Variants in KIAA0825 observed in about 807,000 individuals in gnomAD.
KIAA0825 encodes uncharacterized protein KIAA0825.
In KIAA0825, 119 loss-of-function variants were observed where a neutral mutation model predicts 147.6. The observed-to-expected ratio is 0.81, with a 90% CI of 0.69 to 0.94. The LOEUF is 0.94. Ranked by LOEUF, KIAA0825 falls within the 40% of genes least tolerant of loss-of-function variation. The pLI, the probability that KIAA0825 is intolerant of heterozygous loss-of-function variation, is 0.00. For missense variants in KIAA0825, 1,381 were observed against 1,472.7 expected (o/e 0.94, Z 1.02); for synonymous variants, 470 against 518.1 (o/e 0.91, Z 1.26).
intron 1 of KIAA0825, among the ~76,000 whole-genome samples, chr5:94,582,929 T>A (rs1452899847): frequency 2.0e-5 from 3 of 152,160 alleles, no homozygotes; most frequent in Non-Finnish European, 4.4e-5. Flanking sequence ...AAACAAGCAA[T>A]GTTATTCAAT....
At chr5:94,578,795 A>T (rs891220715) in intron 2 of KIAA0825, among the ~76,000 whole-genome samples, 1 of 152,236 alleles carries the variant, frequency 6.6e-6, no homozygotes, top group Non-Finnish European at 1.5e-5. Flanking sequence ...TTAAAAATGC[A>T]GATTTTCAGC....
intron 20 of KIAA0825, among the ~76,000 whole-genome samples, chr5:94,329,596 T>C (rs895868418): frequency 2.6e-5 from 4 of 152,120 alleles, no homozygotes; most frequent in Non-Finnish European, 5.9e-5. Context: ...ATTTCTCACA[T>C]TGATAGAACT....
At chr5:94,490,488 A>C (rs1273555993) in intron 5 of KIAA0825, among the ~76,000 whole-genome samples, 6 of 152,164 alleles carry the variant, frequency 3.9e-5, no homozygotes, top group Non-Finnish European at 8.8e-5. Context: ...GCAAAAGGCT[A>C]TAAAAAGAAT....
intron 14 of KIAA0825, among the ~76,000 whole-genome samples, chr5:94,437,245 T>C (rs1172819262): frequency 6.6e-6 from 1 of 152,224 alleles, no homozygotes; most frequent in Non-Finnish European, 1.5e-5. Flanking sequence ...ATAATTTCTA[T>C]ATTAGTATAA....
intron 17 of KIAA0825, among the ~76,000 whole-genome samples, chr5:94,395,493 C>T (rs1196482097): frequency 1.3e-5 from 2 of 152,138 alleles, no homozygotes; most frequent in Non-Finnish European, 2.9e-5. Flanking sequence ...TTCAACTCAT[C>T]AGGGACCCTT....
At chr5:94,207,750 A>G (rs1182447794) in intron 20 of KIAA0825, among the ~76,000 whole-genome samples, 1 of 152,180 alleles carries the variant, frequency 6.6e-6, no homozygotes, top group Non-Finnish European at 1.5e-5. Flanking sequence ...TTTGCCCTGT[A>G]TCTTTCAAAT....
chr5:94,329,265 A>G (rs1379160759), intron 20 of KIAA0825, among the ~76,000 whole-genome samples: 23 of 152,154 alleles, frequency 1.5e-4, no homozygotes, highest in Non-Finnish European at 4.4e-5. Context: ...GCGATCCAAC[A>G]TAAGCATAAT....
intron 1 of KIAA0825, chr5:94,593,934 T>C: frequency 2.2e-6 from 1 of 446,340 alleles, no homozygotes; most frequent in South Asian, 1.8e-5. Context: ...GAAGCAGTTT[T>C]ACCACAGTGT....
intron 20 of KIAA0825, among the ~76,000 whole-genome samples, chr5:94,296,163 G>A (rs1453715809): frequency 1.3e-5 from 2 of 152,174 alleles, no homozygotes. Flanking sequence ...AGCTGCGGGG[G>A]TTCCACCCAG....
chr5:94,458,744 C>CT (rs143676278), intron 12 of KIAA0825, among the ~76,000 whole-genome samples: 26,473 of 148,724 alleles, frequency 0.18, 2,409 homozygotes, highest in East Asian at 0.21. Context: ...TGCCAGATAC[C>CT]TTTTTTTTAA....
intron 14 of KIAA0825, among the ~76,000 whole-genome samples, chr5:94,428,042 C>T (rs140720352): frequency 6.6e-6 from 1 of 152,020 alleles, no homozygotes; most frequent in Non-Finnish European, 1.5e-5. Flanking sequence ...CATTTGTTTT[C>T]TGTGTGCAAG....
At chr5:94,415,626 AAGG>A (rs1294153437) in intron 15 of KIAA0825, 2 of 152,196 alleles carry the variant, frequency 1.3e-5, no homozygotes, top group Admixed American at 6.5e-5. Context: ...AACTTGTATA[AAGG>A]AGAAGGGAGT....
intron 2 of KIAA0825, chr5:94,568,075 C>A: frequency 6.1e-6 from 1 of 164,682 alleles, no homozygotes; most frequent in South Asian, 1.9e-4. Context: ...TCATGGTAGT[C>A]ACAATCGGCA....
At chr5:94,498,209 T>C (rs758841351) in intron 5 of KIAA0825, among the ~76,000 whole-genome samples, 1 of 152,104 alleles carries the variant, frequency 6.6e-6, no homozygotes, top group Non-Finnish European at 1.5e-5. Flanking sequence ...CTAGGTATCA[T>C]ATCATATCAT....
chr5:94,172,867 A>T (rs1243173447), intron 20 of KIAA0825, among the ~76,000 whole-genome samples: 1 of 152,130 alleles, frequency 6.6e-6, no homozygotes, highest in Admixed American at 6.6e-5. Flanking sequence ...TTCATCTTCA[A>T]ATAAGGATCA....
chr5:94,564,947 C>CTT (rs1221947793), intron 2 of KIAA0825, among the ~76,000 whole-genome samples: 4 of 61,468 alleles, frequency 6.5e-5, no homozygotes, highest in Non-Finnish European at 1.7e-4. Flanking sequence ...CCCTCCCTCC[C>CTT]TTTTCTTTTC....
intron 20 of KIAA0825, among the ~76,000 whole-genome samples, chr5:94,348,115 A>G (rs1338959473): frequency 6.6e-6 from 1 of 152,160 alleles, no homozygotes; most frequent in East Asian, 1.9e-4. Flanking sequence ...ATAAGAAAAT[A>G]TGAACAAAGC....
At chr5:94,519,352 T>C (rs1767741493) in intron 5 of KIAA0825, 2 of 896,276 alleles carry the variant, frequency 2.2e-6, no homozygotes, top group South Asian at 1.0e-4. Flanking sequence ...ATATAGTTTA[T>C]GAACTTATTC....
chr5:94,429,736 G>A (rs1164891123), intron 14 of KIAA0825, among the ~76,000 whole-genome samples: 1 of 152,206 alleles, frequency 6.6e-6, no homozygotes, highest in Admixed American at 6.5e-5. Flanking sequence ...CCCGATGTCA[G>A]GCACAGGCAT....
Sources: gnomAD v4.1 joint callset for allele counts (sites outside exome capture counted in the v4.1 genomes callset) on GRCh38, gnomAD v4.1.1 for gene constraint, MANE v1.5 for transcripts, NCBI Gene and HGNC (gene_info 2026-07-23, HGNC 2026-07-21) for gene names.